Variants in VTA1 observed in about 807,000 individuals in gnomAD.
VTA1 encodes vacuolar protein sorting-associated protein VTA1 homolog.
Under a neutral mutation model 36.9 loss-of-function variants are expected in VTA1, and 24 were observed. The ratio of observed to expected loss-of-function variants is 0.65; its 90% confidence interval spans 0.47 to 0.91. The LOEUF is 0.91. VTA1 is among the 40% of genes least tolerant of loss of function. VTA1 has a pLI of 0.00. For missense variants in VTA1, 393 were observed against 377.2 expected, an observed-to-expected ratio of 1.04 and a Z score of -0.35; for synonymous variants, 142 against 130.2, an observed-to-expected ratio of 1.09 and a Z score of -0.62.
intron 1 of VTA1, among the ~76,000 whole-genome samples, chr6:142,151,065 A>G (rs1248249812): frequency 1.3e-5 from 2 of 152,174 alleles, no homozygotes; most frequent in Non-Finnish European, 2.9e-5. Flanking sequence ...GTCTCTTTTC[A>G]GGAACAGTTG....
At chr6:142,170,520 T>A in intron 4 of VTA1, 99 bp downstream of exon 4, 1 of 804,210 alleles carries the variant, frequency 1.2e-6, no homozygotes, top group African/African-American at 1.8e-5. Context: ...AGAATGTCTG[T>A]CAGAAATTAA....
intron 4 of VTA1, among the ~76,000 whole-genome samples, chr6:142,178,549 A>G (rs1775168733): frequency 6.6e-6 from 1 of 152,146 alleles, no homozygotes; most frequent in Non-Finnish European, 1.5e-5. Context: ...TGGACACAGT[A>G]ATGTAGGTAA....
chr6:142,200,723 CAT>C (rs1775668042), intron 6 of VTA1, among the ~76,000 whole-genome samples: 1 of 151,856 alleles, frequency 6.6e-6, no homozygotes, highest in African/African-American at 2.4e-5. Context: ...AGTTTTTTGT[CAT>C]AAACAGTTCA....
chr6:142,149,773 G>A (rs1472304989), intron 1 of VTA1, among the ~76,000 whole-genome samples: 4 of 151,960 alleles, frequency 2.6e-5, no homozygotes, highest in South Asian at 2.1e-4. Context: ...ATTTCTTTTC[G>A]TGTATTTGTT....
intron 6 of VTA1, among the ~76,000 whole-genome samples, chr6:142,201,044 GT>G (rs1303389819): frequency 2.0e-5 from 3 of 151,808 alleles, no homozygotes; most frequent in African/African-American, 7.2e-5. Flanking sequence ...TTGACTTCAT[GT>G]TTTAGCCATG....
intron 7 of VTA1, among the ~76,000 whole-genome samples, chr6:142,214,446 G>A (rs982469507): frequency 2.6e-5 from 4 of 152,102 alleles, no homozygotes; most frequent in African/African-American, 9.7e-5. Context: ...AGGGGGAAGT[G>A]CCACACACTT....
chr6:142,160,934 T>G (rs889404490), intron 1 of VTA1, among the ~76,000 whole-genome samples: 1 of 152,202 alleles, frequency 6.6e-6, no homozygotes, highest in African/African-American at 2.4e-5. Context: ...ACTTTGATTT[T>G]CATTACATCA....
At chr6:142,187,907 T>A (rs1315971960) in intron 4 of VTA1, among the ~76,000 whole-genome samples, 1 of 135,698 alleles carries the variant, frequency 7.4e-6, no homozygotes. Flanking sequence ...AAGGATACTT[T>A]CTTTCTTTTT....
In VTA1 at chr6:142,170,395, A is replaced by G; in HGVS notation, c.385A>G (p.Thr129Ala). ...TGCAAGTCTTTTGATAGATGTCATA[A>G]CAGTATTTGGAGAACTCACTGATGA... ...YTASLLIDVI[T>A]VFGELTDENV... Residue 129 changes from threonine (T) to alanine (A), a missense_variant, in exon 4 of 8, where the codon ACA (threonine) becomes GCA (alanine). By Grantham distance (58) the Thr-to-Ala change is moderately conservative. Coordinates refer to ENST00000367630, the MANE Select transcript of VTA1 (RefSeq NM_016485.5). 1 of 1,607,112 alleles carries G rather than the reference A, an allele frequency of 6.2e-7. No individual in the cohort carries two copies. Among genetic ancestry groups the G allele is most frequent in the Non-Finnish European group, 8.5e-7 (1 of 1,177,018 alleles).
intron 4 of VTA1, among the ~76,000 whole-genome samples, chr6:142,179,507 G>T (rs935997669): frequency 6.6e-6 from 1 of 151,932 alleles, no homozygotes; most frequent in Non-Finnish European, 1.5e-5. Flanking sequence ...ACACATTGGG[G>T]TATTAGATAC....
intron 7 of VTA1, among the ~76,000 whole-genome samples, chr6:142,214,447 C>T (rs1775968413): frequency 6.6e-6 from 1 of 152,072 alleles, no homozygotes; most frequent in South Asian, 2.1e-4. Context: ...GGGGGAAGTG[C>T]CACACACTTT....
Position 142,181,116 on chromosome 6 carries a change from TAC to T in VTA1, c.412-8296_412-8295del, listed in dbSNP as rs1554219856. Among the ~76,000 whole-genome samples the T allele has an allele frequency of 1.1e-3, 97 of 87,074 alleles. 2 individuals are homozygous for T. Among genetic ancestry groups the T allele is most frequent in the African/African-American group, 3.6e-3 (86 of 23,792 alleles). The allele number at this position is 87,074 out of a possible 152,430, so 57.1% of individuals were successfully genotyped here. On this transcript the variant is annotated intron_variant, in intron 4 of 7. Transcript: ENST00000367630. ...AAAAATATATATATATATATATATA[TAC>T]ACACACACACACAGACACACTTTTT...
At chr6:142,176,198 A>G (rs1156954684) in intron 4 of VTA1, among the ~76,000 whole-genome samples, 1 of 152,196 alleles carries the variant, frequency 6.6e-6, no homozygotes, top group Admixed American at 6.5e-5. Flanking sequence ...AACAGATAAC[A>G]TTTTACTATT....
chr6:142,189,095 T>G (rs1775401653), intron 4 of VTA1, among the ~76,000 whole-genome samples: 1 of 152,230 alleles, frequency 6.6e-6, no homozygotes, highest in Non-Finnish European at 1.5e-5. Context: ...AGTCTTAGAT[T>G]TCTACTTTAG....
At chr6:142,177,545 C>T (rs1056588829) in intron 4 of VTA1, among the ~76,000 whole-genome samples, 13 of 151,846 alleles carry the variant, frequency 8.6e-5, no homozygotes, top group Admixed American at 2.6e-4. Flanking sequence ...TTGAGAAGGC[C>T]GATTAGGAAG....
At chr6:142,179,625 A>G (rs1775189125) in intron 4 of VTA1, among the ~76,000 whole-genome samples, 1 of 152,168 alleles carries the variant, frequency 6.6e-6, no homozygotes. Context: ...TTCCCTTCAT[A>G]TACATATGTG....
chr6:142,181,219 C>T (rs1161685789), intron 4 of VTA1, among the ~76,000 whole-genome samples: 52 of 145,528 alleles, frequency 3.6e-4, no homozygotes, highest in African/African-American at 1.3e-3. Context: ...CTGCAAGCTC[C>T]GCTTCCCGGG....
Position 142,156,600 on chromosome 6 carries a change from A to G in VTA1, c.112+9201A>G, listed in dbSNP as rs562813987. ...TTTTCAGTTTGCCGTGAGTAAATGT[A>G]TAAAATTTCAAGTTTCAATTTTTAA... On this transcript the variant is annotated intron_variant, in intron 1 of 7. Transcript: ENST00000367630. 3.7e-3 allele frequency among the ~76,000 whole-genome samples: 561 copies of G among 152,328 alleles called. 2 individuals are homozygous for G. Among genetic ancestry groups the G allele is most frequent in the Admixed American group, 5.4e-3 (83 of 15,300 alleles).
Position 142,220,061 on chromosome 6 carries a change from G to A in VTA1, c.*1418G>A, listed in dbSNP as rs1040898499. On this transcript the variant is annotated 3_prime_UTR_variant, in exon 8 of 8. Coordinates refer to ENST00000367630, the MANE Select transcript of VTA1 (RefSeq NM_016485.5). The stretch of plus-strand genomic sequence containing the variant: ...TATATCCATTATTTTCTGCATAAAT[G>A]TAATGCTATTGTACAGGGTTTGGTA... The A allele has an allele frequency of 2.6e-5, 4 of 152,146 alleles. No individual in the cohort carries two copies. Among genetic ancestry groups the A allele is most frequent in the African/African-American group, 9.7e-5 (4 of 41,428 alleles). 9.4% of individuals were successfully genotyped at this position (152,146 alleles called of 1,614,324 possible). A position where few individuals can be genotyped will look rare whatever the true frequency, so the allele number is the denominator to read the frequency against.
Sources: gnomAD v4.1 joint callset for allele counts (sites outside exome capture counted in the v4.1 genomes callset) on GRCh38, gnomAD v4.1.1 for gene constraint, MANE v1.5 for transcripts, NCBI Gene and HGNC (gene_info 2026-07-23, HGNC 2026-07-21) for gene names.